Variants in METTL21A observed in about 807,000 individuals in gnomAD.
METTL21A encodes methyltransferase 21A, HSPA lysine, also known as protein N-lysine methyltransferase METTL21A.
Under a neutral mutation model 20.9 loss-of-function variants are expected in METTL21A, and 22 were observed. That is an observed-to-expected ratio of 1.05 (90% confidence interval 0.75 to 1.50). The LOEUF is 1.50. METTL21A is among the 40% of genes most tolerant of loss of function. The pLI, the probability that METTL21A is intolerant of heterozygous loss-of-function variation, is 0.00. For synonymous variants in METTL21A, 93 were observed against 102.0 expected (o/e 0.91, Z 0.53); for missense variants, 271 against 266.8 (o/e 1.02, Z -0.11).
chr2:207,617,594 G>A (rs1036750808), intron 3 of METTL21A, among the ~76,000 whole-genome samples: 27 of 152,222 alleles, frequency 1.8e-4, no homozygotes, highest in Admixed American at 9.2e-4. Flanking sequence ...TTACTAAGAC[G>A]CCTGGGATTT....
chr2:207,625,720 G>C (rs2091032050), upstream of METTL21A: 1 of 152,290 alleles, frequency 6.6e-6, no homozygotes, highest in Admixed American at 6.5e-5. Flanking sequence ...CATGTGCTCC[G>C]CCGCTCTCTG....
chr2:207,594,765 T>C (rs2085777498), intron 3 of METTL21A, among the ~76,000 whole-genome samples: 1 of 152,096 alleles, frequency 6.6e-6, no homozygotes, highest in African/African-American at 2.4e-5. Context: ...ATATGGTAAA[T>C]TTTGTTCTTA....
chr2:207,583,884 T>C (rs1380253349), intron 3 of METTL21A, among the ~76,000 whole-genome samples: 1 of 152,246 alleles, frequency 6.6e-6, no homozygotes, highest in Non-Finnish European at 1.5e-5. Flanking sequence ...TCTACCCTTA[T>C]AGTTCTGCCT....
At chr2:207,600,262 T>TACAC (rs1553513635) in intron 3 of METTL21A, 2 of 153,608 alleles carry the variant, frequency 1.3e-5, no homozygotes, top group African/African-American at 2.6e-5. Context: ...TATATATATA[T>TACAC]ACATACAGTA....
chr2:207,622,214 G>T (rs1370022930), intron 2 of METTL21A, among the ~76,000 whole-genome samples: 1 of 147,790 alleles, frequency 6.8e-6, no homozygotes, highest in Non-Finnish European at 1.5e-5. Context: ...TGTCACCCAG[G>T]CTGGAGTGCA....
intron 3 of METTL21A, chr2:207,598,998 G>A (rs2086627707): frequency 5.4e-6 from 1 of 184,266 alleles, no homozygotes; most frequent in Admixed American, 6.2e-5. Context: ...GTTAATTGCT[G>A]GATCCATTTT....
chr2:207,607,028 A>T (rs2088215737), downstream of METTL21A, among the ~76,000 whole-genome samples: 1 of 152,134 alleles, frequency 6.6e-6, no homozygotes, highest in African/African-American at 2.4e-5. Context: ...TCTGTAAAGG[A>T]ATGTGTATTT....
chr2:207,621,209 C>G (rs745769118), intron 3 of METTL21A, among the ~76,000 whole-genome samples: 2 of 152,186 alleles, frequency 1.3e-5, no homozygotes, highest in African/African-American at 4.8e-5. Context: ...TAAAAATGCT[C>G]TAGCTCCAAG....
At chr2:207,607,393 A>G (rs1230585824), downstream of METTL21A, among the ~76,000 whole-genome samples, 1 of 149,358 alleles carries the variant, frequency 6.7e-6, no homozygotes, top group Admixed American at 6.7e-5. Flanking sequence ...CCATCTCAAA[A>G]AAAAGAAAGA....
At chr2:207,581,066 T>G (rs1398057213), downstream of METTL21A, 1 of 213,902 alleles carries the variant, frequency 4.7e-6, no homozygotes, top group Non-Finnish European at 9.4e-6. Context: ...TTATGTAACT[T>G]TACATTGTAG....
At chr2:207,602,642 C>T (rs562006703) in intron 3 of METTL21A, 2 of 211,804 alleles carry the variant, frequency 9.4e-6, no homozygotes, top group East Asian at 1.4e-4. Flanking sequence ...AATGATCTAT[C>T]ATTGTGTTTG....
chr2:207,604,414 T>G (rs150454556), downstream of METTL21A, among the ~76,000 whole-genome samples: 7 of 152,304 alleles, frequency 4.6e-5, no homozygotes, highest in East Asian at 1.3e-3. Flanking sequence ...GTTAAATTGT[T>G]TAGGGGAAAC....
At chr2:207,624,557 C>T (rs2090895772) in intron 1 of METTL21A, 153 bp from the exon 2 acceptor site, 1 of 592,834 alleles carries the variant, frequency 1.7e-6, no homozygotes, top group Non-Finnish European at 2.7e-6. Context: ...TTGCATGGCT[C>T]TTCCGAATCT....
intron 3 of METTL21A, among the ~76,000 whole-genome samples, chr2:207,582,475 T>C (rs2083092083): frequency 6.6e-6 from 1 of 152,216 alleles, no homozygotes; most frequent in South Asian, 2.1e-4. Context: ...TATAATCCAA[T>C]ACTATTGTTA....
downstream of METTL21A, among the ~76,000 whole-genome samples, chr2:207,607,693 T>TTTTTTTTTTTTTTTTTTTTTGAGACGG (rs1277584868): frequency 7.0e-6 from 1 of 143,250 alleles, no homozygotes; most frequent in Non-Finnish European, 1.5e-5. Flanking sequence ...ACATACATTT[T>TTTTTTTTTTTTTTTTTTTTTGAGACGG]AACATAGCAT....
At chr2:207,604,810 A>G (rs1470984455), downstream of METTL21A, among the ~76,000 whole-genome samples, 2 of 152,080 alleles carry the variant, frequency 1.3e-5, no homozygotes, top group Non-Finnish European at 1.5e-5. Flanking sequence ...ACATCCGGGT[A>G]TTTCATGTGA....
intron 3 of METTL21A, among the ~76,000 whole-genome samples, chr2:207,618,778 C>T (rs1023920815): frequency 2.0e-5 from 3 of 151,672 alleles, no homozygotes; most frequent in African/African-American, 4.8e-5. Flanking sequence ...TCTTATCATA[C>T]TCTAGTCACC....
downstream of METTL21A, among the ~76,000 whole-genome samples, chr2:207,605,875 GATT>G (rs1441222739): frequency 1.3e-5 from 2 of 152,200 alleles, no homozygotes; most frequent in Non-Finnish European, 2.9e-5. Flanking sequence ...GTTTCCTAAT[GATT>G]ATTAGGTATC....
At chr2:207,602,494 C>T (rs889737439) in intron 3 of METTL21A, 4 of 204,726 alleles carry the variant, frequency 2.0e-5, no homozygotes, top group Non-Finnish European at 4.0e-5. Flanking sequence ...CATTACTTGC[C>T]TATAGAAGTA....
Sources: gnomAD v4.1 joint callset for allele counts (sites outside exome capture counted in the v4.1 genomes callset) on GRCh38, gnomAD v4.1.1 for gene constraint, MANE v1.5 for transcripts, NCBI Gene and HGNC (gene_info 2026-07-23, HGNC 2026-07-21) for gene names.